NIN: variants seen among roughly 807,000 people sequenced by gnomAD.
NIN encodes the protein ninein.
A neutral mutation model predicts 257.6 loss-of-function variants in NIN; 137 were observed. That is an observed-to-expected ratio of 0.53 (90% CI 0.46 to 0.61). NIN has a LOEUF of 0.61. Among genes scored for constraint, NIN ranks in the 20% least tolerant of loss-of-function variants. The pLI, the probability that NIN is intolerant of heterozygous loss-of-function variation, is 0.00. For missense variants in NIN, 2,439 were observed against 2,501.2 expected (o/e 0.98, Z 0.53); for synonymous variants, 918 against 919.8 (o/e 1.00, Z 0.04).
At chr14:50,742,770 C>A (rs550159947) in intron 24 of NIN, among the ~76,000 whole-genome samples, 7 of 152,050 alleles carry the variant, frequency 4.6e-5, no homozygotes. Context: ...AATTTAAATT[C>A]ATAAAGGGAA....
rs1238358084 is a variant in NIN at position 50,736,816 on chromosome 14, T to C, written c.5776-1199A>G. ...AAAAACAAAAATTTTATGAATATTT[T>C]ATAATGAAATATTTTTCTCAGATTT... On this transcript the variant is annotated intron_variant, in intron 27 of 30. Transcript: ENST00000530997. 2.0e-5 allele frequency among the ~76,000 whole-genome samples: 3 copies of C among 152,244 alleles called. No individual in the cohort carries two copies. In the East Asian group the frequency reaches 5.8e-4, roughly 29 times the overall value.
chr14:50,739,917 C>A (rs1282305494), intron 25 of NIN, among the ~76,000 whole-genome samples: 1 of 152,202 alleles, frequency 6.6e-6, no homozygotes, highest in African/African-American at 2.4e-5. Context: ...AACTCAAAAG[C>A]TTTCATAGGC....
intron 7 of NIN, among the ~76,000 whole-genome samples, chr14:50,775,712 T>C (rs1011852926): frequency 6.6e-6 from 1 of 152,222 alleles, no homozygotes; most frequent in Admixed American, 6.5e-5. Context: ...TCTCCACAAG[T>C]AGCTACAGTT....
intron 10 of NIN, 74 bp downstream of exon 10, chr14:50,771,258 A>T: frequency 1.3e-6 from 2 of 1,541,256 alleles, no homozygotes; most frequent in Non-Finnish European, 1.8e-6. Context: ...AAGGATGTCC[A>T]TCCAAGGCAT....
chr14:50,757,290 T>C lies in NIN; in HGVS notation c.3740A>G (p.Lys1247Arg), dbSNP rs146912183. Residue 1247 changes from lysine (K) to arginine (R), a missense_variant, in exon 18 of 31, where the codon AAA (lysine) becomes AGA (arginine). By Grantham distance (26) the Lys-to-Arg change is conservative (BLOSUM62 2). Transcript: ENST00000530997. ...MLERIPEASP[K>R]YKLLYEDVSR... ...CACATCTTCATACAACAGCTTATAT[T>C]TGGGAGAAGCCTCAGGGATTCTCTC... The C allele has an allele frequency of 8.1e-5, 130 of 1,614,046 alleles. No individual in the cohort carries two copies. Among genetic ancestry groups the C allele is most frequent in the Non-Finnish European group, 1.0e-4 (122 of 1,180,032 alleles).
At chr14:50,763,764 T>C in intron 15 of NIN, 62 bp downstream of exon 15, 2 of 1,462,242 alleles carry the variant, frequency 1.4e-6, no homozygotes, top group Non-Finnish European at 1.9e-6. Context: ...AATTTTATAT[T>C]GAACCACGTT....
At chr14:50,810,295 C>T (rs928879724) in intron 3 of NIN, among the ~76,000 whole-genome samples, 1 of 151,382 alleles carries the variant, frequency 6.6e-6, no homozygotes, top group African/African-American at 2.4e-5. Flanking sequence ...TCCTACTCTA[C>T]CTGATTATTA....
chr14:50,783,556 TC>T (rs2043220533), intron 5 of NIN, among the ~76,000 whole-genome samples: 1 of 151,730 alleles, frequency 6.6e-6, no homozygotes. Flanking sequence ...ATTCTGTGCT[TC>T]CTTCTACCTA....
rs1334614431 is a variant in NIN, at chr14:50,756,888, T to G, written c.4142A>C (p.His1381Pro). 2 of 1,554,598 alleles carry G rather than the reference T, an allele frequency of 1.3e-6. No individual in the cohort carries two copies. Among genetic ancestry groups the G allele is most frequent in the South Asian group, 1.2e-5 (1 of 84,850 alleles). ...TTGCTTACATTCCTCTATGACATGA[T>G]GTACACTCCTAACCCTGGGCACACA... ...EECVPRVRSVHHVIEECKQEN... is the reference protein window; with the variant it reads ...EECVPRVRSVPHVIEECKQEN... Residue 1381 changes from histidine to proline, a missense_variant, in exon 18 of 31, where the codon CAT becomes CCT. This residue lies in a region of NIN where 2,043 missense variants were observed against 2,050.2 expected (regional missense o/e 1.00). Coordinates refer to ENST00000530997, the MANE Select transcript of NIN (RefSeq NM_020921.4).
rs2042066590 is a variant in NIN at position 50,757,201 on chromosome 14, G to A, written c.3829C>T (p.Leu1277=). 1.2e-6 allele frequency: 2 copies of A among 1,613,638 alleles called. No homozygotes were observed. Among genetic ancestry groups the A allele is most frequent in the Non-Finnish European group, 1.7e-6 (2 of 1,179,950 alleles). The part of the protein sequence containing the change: ...RMMETRYDEA[L]ENNKELTAEV... ...GCAGTGAGTTCTTTGTTATTTTCTA[G>A]TGCCTCATCGTAGCGTGTCTCCATC... The change falls in exon 18 of 31, where the codon CTA becomes TTA. Residue 1277 remains leucine (L), a synonymous_variant. Transcript: ENST00000530997.
chr14:50,740,451 C>T (rs902224326), intron 25 of NIN, among the ~76,000 whole-genome samples: 3 of 152,052 alleles, frequency 2.0e-5, no homozygotes, highest in Non-Finnish European at 4.4e-5. Context: ...CGGGTTCAAG[C>T]GATTCTCCTG....
Position 50,726,006 on chromosome 14 carries a change from G to A in NIN, c.6139C>T (p.Leu2047=). 1 of 1,614,060 alleles carries A rather than the reference G, an allele frequency of 6.2e-7. No homozygotes were observed. Among genetic ancestry groups the A allele is most frequent in the Non-Finnish European group, 8.5e-7 (1 of 1,179,952 alleles). Residue 2047 remains leucine, a synonymous_variant, in exon 30 of 31, where the codon CTG becomes TTG. Coordinates refer to ENST00000530997, the MANE Select transcript of NIN (RefSeq NM_020921.4). Reference sequence around the variant, plus strand: ...TGAAGAAGCCTTTTCACTAGTTTCAGTTTCTGTTCAACTTCTATCATTCGT... The same window carrying A: ...TGAAGAAGCCTTTTCACTAGTTTCAATTTCTGTTCAACTTCTATCATTCGT... ...EERMIEVEQK[L]KLVKRLLQEK... is the part of the protein sequence containing the mutation.
chr14:50,825,212 G>T (rs2045403858), intron 2 of NIN, among the ~76,000 whole-genome samples: 3 of 152,154 alleles, frequency 2.0e-5, no homozygotes, highest in Admixed American at 2.0e-4. Context: ...TGAAGAGGAG[G>T]TAACAAGTGA....
At chr14:50,804,808 G>A (rs2142172123) in intron 4 of NIN, among the ~76,000 whole-genome samples, 1 of 151,686 alleles carries the variant, frequency 6.6e-6, no homozygotes. Flanking sequence ...AAAAAAAAAA[G>A]GTCCATGCAT....
chr14:50,774,239 A>G (rs1193873251), intron 7 of NIN, among the ~76,000 whole-genome samples: 1 of 152,230 alleles, frequency 6.6e-6, no homozygotes, highest in African/African-American at 2.4e-5. Context: ...TCTCTGCAAC[A>G]CATTCTCAAG....
Position 50,756,925 on chromosome 14 carries a change from T to A in NIN, c.4105A>T (p.Thr1369Ser). 1 of 1,570,292 alleles carries A rather than the reference T, an allele frequency of 6.4e-7. No individual in the cohort carries two copies. The highest frequency in any genetic ancestry group is 1.4e-5 in the African/African-American group (1 of 73,802). ...PDGNILQLNQ[T>S]LEECVPRVRS... ...ACCCTGGGCACACACTCTTCCAGTG[T>A]CTGATTGAGCTGGAGTATATTTCCA... Residue 1369 changes from threonine (T) to serine (S), a missense_variant, in exon 18 of 31, where the codon ACA becomes TCA. Around this residue, in one of 3 missense-constraint regions of NIN, gnomAD observed 2,043 missense variants for 2,050.2 expected, o/e 1.00. Transcript: ENST00000530997.
intron 24 of NIN, among the ~76,000 whole-genome samples, chr14:50,742,899 T>A (rs546420767): frequency 6.6e-6 from 1 of 152,344 alleles, no homozygotes; most frequent in Non-Finnish European, 1.5e-5. Flanking sequence ...TAAACTTTGA[T>A]GGAAATATTT....
Position 50,798,126 on chromosome 14 carries a change from C to T in NIN, c.266-5245G>A, listed in dbSNP as rs569571376. 2.6e-5 allele frequency among the ~76,000 whole-genome samples: 4 copies of T among 152,280 alleles called. No individual in the cohort carries two copies. The East Asian group carries it at 7.7e-4, about 29-fold the overall frequency. ...GCACTCCCTGCCTCTAGGGCCATCA[C>T]CAGCAAGCAGCCGCACCACACTTCT... On this transcript the variant is annotated intron_variant, in intron 4 of 30. Transcript: ENST00000530997.
At chr14:50,747,819 A>T (rs187986960) in intron 22 of NIN, among the ~76,000 whole-genome samples, 173 bp downstream of exon 22, 15 of 152,236 alleles carry the variant, frequency 9.9e-5, no homozygotes, top group Admixed American at 7.2e-4. Flanking sequence ...GCCTTTACAG[A>T]TAGGATTTTG....
Sources: allele counts gnomAD v4.1 joint callset (sites outside exome capture counted in the v4.1 genomes callset), GRCh38; gene constraint gnomAD v4.1.1; regional missense constraint gnomAD v4.1.1; transcripts MANE v1.5; gene names NCBI Gene and HGNC (gene_info 2026-07-23, HGNC 2026-07-21).